The following SINHCAF variants were observed in gnomAD, a reference collection of about 807,000 sequenced individuals.
SINHCAF encodes SIN3-HDAC complex-associated factor.
Under a neutral mutation model 25.8 loss-of-function variants are expected in SINHCAF, and 3 were observed. The observed-to-expected ratio is 0.12, with a 90% CI of 0.05 to 0.30. The LOEUF is 0.30. SINHCAF is among the 10% of genes least tolerant of loss of function. The pLI is 1.00. For missense variants in SINHCAF, 121 were observed against 262.3 expected (o/e 0.46, Z 3.72); for synonymous variants, 70 against 85.5 (o/e 0.82, Z 1.00).
Position 31,282,987 on chromosome 12 carries a change from A to G in SINHCAF, c.507-116T>C, listed in dbSNP as rs1032162503. The G allele has an allele frequency of 9.6e-6, 7 of 727,134 alleles. No homozygotes were observed. In the African/African-American group the frequency reaches 1.1e-4, roughly 11 times the overall value. The allele number at this position is 727,134 out of a possible 1,614,324, so 45.0% of individuals were successfully genotyped here. A position where few individuals can be genotyped will look rare whatever the true frequency, so the allele number is the denominator to read the frequency against. On this transcript the variant is annotated intron_variant, in intron 5 of 5. Transcript: ENST00000337682. ...ATAACCAAAGAGTTGTGCTTCTACA[A>G]TCTTGCACATTCCAAGTGAAAGGGC...
chr12:31,302,657 C>A (rs1385176171), intron 1 of SINHCAF, among the ~76,000 whole-genome samples: 1 of 151,404 alleles, frequency 6.6e-6, no homozygotes, highest in East Asian at 1.9e-4. Flanking sequence ...AGGGGGATAC[C>A]TGCAGTACAG....
intron 1 of SINHCAF, among the ~76,000 whole-genome samples, chr12:31,306,832 A>G (rs546203743): frequency 6.6e-6 from 1 of 152,288 alleles, no homozygotes; most frequent in South Asian, 2.1e-4. Flanking sequence ...TAGGGGCATA[A>G]TTTTTGCTAC....
intron 1 of SINHCAF, among the ~76,000 whole-genome samples, chr12:31,322,799 G>A (rs896242784): frequency 6.6e-6 from 1 of 152,144 alleles, no homozygotes. Flanking sequence ...TGATTCAAAT[G>A]CAGGAGAAAT....
chr12:31,313,323 A>G (rs1939355556), intron 1 of SINHCAF, among the ~76,000 whole-genome samples: 1 of 151,982 alleles, frequency 6.6e-6, no homozygotes, highest in Non-Finnish European at 1.5e-5. Flanking sequence ...CACCCCATGC[A>G]GCCAAGATCA....
chr12:31,301,705 C>G (rs1938801440), intron 1 of SINHCAF, among the ~76,000 whole-genome samples: 1 of 151,728 alleles, frequency 6.6e-6, no homozygotes, highest in Non-Finnish European at 1.5e-5. Flanking sequence ...CTGAGATTAA[C>G]TGAAATTATT....
At chr12:31,319,920 T>TCA (rs1939635653) in intron 1 of SINHCAF, among the ~76,000 whole-genome samples, 2 of 152,290 alleles carry the variant, frequency 1.3e-5, no homozygotes, top group East Asian at 3.9e-4. Flanking sequence ...TCATCCACAG[T>TCA]CACACAAAAA....
intron 1 of SINHCAF, chr12:31,303,258 T>TC (rs776429624): frequency 2.0e-6 from 2 of 979,516 alleles, no homozygotes; most frequent in Non-Finnish European, 2.4e-6. Context: ...GATCAAAATT[T>TC]CTCTTTAGAG....
At chr12:31,293,357 A>G (rs1938412911) in intron 4 of SINHCAF, among the ~76,000 whole-genome samples, 1 of 152,158 alleles carries the variant, frequency 6.6e-6, no homozygotes, top group African/African-American at 2.4e-5. Context: ...TTAAACCTGA[A>G]AGCAAGCCCT....
chr12:31,287,814 A>G, intron 4 of SINHCAF, 30 bp from the exon 5 acceptor site: 1 of 1,537,904 alleles, frequency 6.5e-7, no homozygotes, highest in Non-Finnish European at 8.8e-7. Context: ...AAAAAATAAA[A>G]TTTTCAATTT....
intron 5 of SINHCAF, 93 bp downstream of exon 5, chr12:31,287,539 GTT>G: frequency 2.1e-6 from 2 of 968,316 alleles, no homozygotes; most frequent in East Asian, 5.0e-5. Context: ...GTTACCAACT[GTT>G]TGCCAAATGC....
intron 1 of SINHCAF, among the ~76,000 whole-genome samples, chr12:31,316,831 A>C (rs75630250): frequency 6.6e-6 from 1 of 152,220 alleles, no homozygotes; most frequent in African/African-American, 2.4e-5. Context: ...AATATGGAAT[A>C]GGAGACAGAG....
At position 31,324,148 on chromosome 12, in the gene SINHCAF, C is replaced by A. The variant is rs1939843200; in HGVS notation, c.-21+1876G>T. The A allele has an allele frequency of 2.6e-5, 11 of 418,336 alleles. No individual in the cohort carries two copies. The highest frequency in any genetic ancestry group is 1.8e-4 in the South Asian group (11 of 60,416). The allele number at this position is 418,336 out of a possible 1,614,324, so 25.9% of individuals were successfully genotyped here. ...CGTCGCTCGCCGCCACCTCCCTCAC[C>A]TGCGCCGGAACAACGGGCCCCGCGC... On this transcript the variant is annotated intron_variant, in intron 1 of 5. Coordinates refer to ENST00000337682, the MANE Select transcript of SINHCAF (RefSeq NM_001135812.2). This position sits in a 1 kb window ranked among gnomAD's most constrained non-coding sequence, Gnocchi z 5.5.
chr12:31,288,913 T>A (rs895943727), intron 4 of SINHCAF, among the ~76,000 whole-genome samples: 3 of 151,734 alleles, frequency 2.0e-5, no homozygotes, highest in Non-Finnish European at 4.4e-5. Flanking sequence ...ATGTTTGAAA[T>A]AAATGAAAAC....
intron 1 of SINHCAF, among the ~76,000 whole-genome samples, chr12:31,320,329 G>T (rs1223179272): frequency 1.3e-5 from 2 of 152,174 alleles, no homozygotes; most frequent in Non-Finnish European, 2.9e-5. Flanking sequence ...ATTTCTGCCT[G>T]AGACGGCTTA....
At position 31,324,217 on chromosome 12, in the gene SINHCAF, C is replaced by T. The variant is rs956953270; in HGVS notation, c.-21+1807G>A. On this transcript the variant is annotated intron_variant, in intron 1 of 5. Coordinates refer to ENST00000337682, the MANE Select transcript of SINHCAF (RefSeq NM_001135812.2). This position sits in a 1 kb window ranked among gnomAD's most constrained non-coding sequence, Gnocchi z 5.5. The stretch of plus-strand genomic sequence containing the variant: ...CCCGCAGGCCGCGCCTCCCGCACGC[C>T]GCGCTGCCGGGGCTTGTTCCTCCTC... The T allele has an allele frequency of 4.9e-6, 1 of 204,182 alleles. No homozygotes were observed. Among genetic ancestry groups the T allele is most frequent in the Non-Finnish European group, 9.5e-6 (1 of 105,314 alleles). 12.6% of individuals were successfully genotyped at this position (204,182 alleles called of 1,614,324 possible).
At chr12:31,319,988 T>C (rs563616452) in intron 1 of SINHCAF, among the ~76,000 whole-genome samples, 1 of 152,178 alleles carries the variant, frequency 6.6e-6, no homozygotes, top group Non-Finnish European at 1.5e-5. Context: ...CCATCAAATT[T>C]ATTGTGAAGT....
rs192818854 is a variant in SINHCAF at position 31,324,956 on chromosome 12, G to C, written c.-21+1068C>G. The C allele has an allele frequency of 1.5e-5, 7 of 456,404 alleles. No individual in the cohort carries two copies. The highest frequency in any genetic ancestry group is 8.0e-5 in the African/African-American group (4 of 50,100). 28.3% of individuals were successfully genotyped at this position (456,404 alleles called of 1,614,324 possible). A position where few individuals can be genotyped will look rare whatever the true frequency, so the allele number is the denominator to read the frequency against. On this transcript the variant is annotated intron_variant, in intron 1 of 5. Coordinates refer to ENST00000337682, the MANE Select transcript of SINHCAF (RefSeq NM_001135812.2). The surrounding 1 kb of genome is among the most constrained non-coding windows in gnomAD (Gnocchi z 5.5). ...AGCAAACCACATTGTCCTGCCGGCCGGACCTGCCCGACGGCGGCCGCATCC... is the reference window on the plus strand; with the variant it reads ...AGCAAACCACATTGTCCTGCCGGCCCGACCTGCCCGACGGCGGCCGCATCC...
rs528202851 is a variant in SINHCAF at position 31,294,409 on chromosome 12, T to C, written c.229-478A>G. Among the ~76,000 whole-genome samples the C allele has an allele frequency of 2.0e-5, 3 of 152,154 alleles. No homozygotes were observed. The East Asian group carries it at 5.8e-4, about 29-fold the overall frequency. ...TGCCTTATTTCACCAAGCGAGTAAA[T>C]GGGTAAGAGGGGTGGAGAGGGGAGA... is the stretch of plus-strand genomic sequence containing the variant. On this transcript the variant is annotated intron_variant, in intron 3 of 5. Coordinates refer to ENST00000337682, the MANE Select transcript of SINHCAF (RefSeq NM_001135812.2).
At chr12:31,321,238 C>A (rs939107476) in intron 1 of SINHCAF, among the ~76,000 whole-genome samples, 1 of 152,042 alleles carries the variant, frequency 6.6e-6, no homozygotes, top group African/African-American at 2.4e-5. Context: ...GTGGGAAATA[C>A]AAGACAATCT....
Sources: allele counts gnomAD v4.1 joint callset (sites outside exome capture counted in the v4.1 genomes callset), GRCh38; gene constraint gnomAD v4.1.1; non-coding constraint Gnocchi (gnomAD v3.1); transcripts MANE v1.5; gene names NCBI Gene and HGNC (gene_info 2026-07-23, HGNC 2026-07-21).